Variants in CDT1 observed in about 807,000 individuals in gnomAD.
The protein encoded by CDT1 is DNA replication factor Cdt1.
A neutral mutation model predicts 49.3 loss-of-function variants in CDT1; 66 were observed. The ratio of observed to expected loss-of-function variants is 1.34; its 90% CI spans 1.10 to 1.64. CDT1 has a LOEUF of 1.64. Among genes scored for constraint, CDT1 ranks in the 40% most tolerant of loss-of-function variants. CDT1 has a pLI of 0.00. For missense variants in CDT1, 958 were observed against 807.7 expected (o/e 1.19, Z -2.26); for synonymous variants, 424 against 347.4 (o/e 1.22, Z -2.45).
Position 88,807,628 on chromosome 16 carries a change from C to T in CDT1, c.1477+146C>T, listed in dbSNP as rs1908917129. 8 of 845,420 alleles carry T rather than the reference C, an allele frequency of 9.5e-6. No homozygotes were observed. The South Asian group carries it at 1.2e-4, about 12-fold the overall frequency. The allele number at this position is 845,420 out of a possible 1,614,324, so 52.4% of individuals were successfully genotyped here. A position where few individuals can be genotyped will look rare whatever the true frequency, so the allele number is the denominator to read the frequency against. ...GCGCTGGCCTCTTGCACTGGTGTGT[C>T]CTGGGCGCTCTGCCCTCCTTGGAGC... is the stretch of plus-strand genomic sequence containing the variant. On this transcript the variant is annotated intron_variant, in intron 9 of 9. Coordinates refer to ENST00000301019, the MANE Select transcript of CDT1 (RefSeq NM_030928.4).
rs1567501791 is a variant in CDT1 at position 88,806,035 on chromosome 16, G to C, written c.847G>C (p.Ala283Pro). 1.9e-6 allele frequency: 3 copies of C among 1,592,538 alleles called. No individual in the cohort carries two copies. The South Asian group carries it at 3.4e-5, about 18-fold the overall frequency. Reference sequence around the variant, plus strand: ...TCGTCCCACAGAGGCTGACGGAGCAGCCCCCCAGCTCACGGCCTCGCGCCT... The same window carrying C: ...TCGTCCCACAGAGGCTGACGGAGCACCCCCCCAGCTCACGGCCTCGCGCCT... ...PLLEQEADGA[A>P]PQLTASRLLQ... Residue 283 changes from alanine to proline, a missense_variant, in exon 6 of 10, where the codon GCC (alanine) becomes CCC (proline). By Grantham distance (27) the Ala-to-Pro change is conservative. Transcript: ENST00000301019.
chr16:88,805,913 G>A (rs372657421), intron 5 of CDT1, 44 bp downstream of exon 5: 30 of 1,605,788 alleles, frequency 1.9e-5, no homozygotes, highest in Non-Finnish European at 2.4e-5. Context: ...TCTGTGAGCC[G>A]CACAGTTTCC....
intron 6 of CDT1, 141 bp downstream of exon 6, chr16:88,806,262 G>T (rs1490083091): frequency 3.0e-6 from 3 of 1,005,374 alleles, no homozygotes; most frequent in Non-Finnish European, 4.5e-6. Flanking sequence ...GCTGAGGGCT[G>T]GTGTGCTCAG....
At chr16:88,805,373 G>A in intron 3 of CDT1, 67 bp from the exon 4 acceptor site, 1 of 1,583,730 alleles carries the variant, frequency 6.3e-7, no homozygotes, top group African/African-American at 1.3e-5. Context: ...CCTGGCCGAG[G>A]GGCCTGCTGT....
At position 88,804,065 on chromosome 16, in the gene CDT1, G is replaced by A; in HGVS notation, c.228+6G>A. 1 of 1,430,574 alleles carries A rather than the reference G, an allele frequency of 7.0e-7. No homozygotes were observed. Among genetic ancestry groups the A allele is most frequent in the Non-Finnish European group, 9.1e-7 (1 of 1,098,066 alleles). 88.6% of individuals were successfully genotyped at this position (1,430,574 alleles called of 1,614,324 possible). On this transcript the variant is annotated splice_donor_region_variant and intron_variant, in intron 1 of 9. Transcript: ENST00000301019. ...TGCGGCTGTCGGTGGACGAGGTGAGGGGCGTGGGGAGACTGAGGCCGGGGA... is the reference window on the plus strand; with the variant it reads ...TGCGGCTGTCGGTGGACGAGGTGAGAGGCGTGGGGAGACTGAGGCCGGGGA...
chr16:88,804,623 C>G lies in CDT1; in HGVS notation c.307C>G (p.Pro103Ala). 6.2e-7 allele frequency: 1 copy of G among 1,612,796 alleles called. No individual in the cohort carries two copies. The highest frequency in any genetic ancestry group is 8.5e-7 in the Non-Finnish European group (1 of 1,179,848). Residue 103 changes from proline (P) to alanine (A), a missense_variant, in exon 2 of 10, where the codon CCG becomes GCG. Coordinates refer to ENST00000301019, the MANE Select transcript of CDT1 (RefSeq NM_030928.4). ...SPGQKIKKSTPAAGQPPHLTS... is the reference protein window; with the variant it reads ...SPGQKIKKSTAAAGQPPHLTS... Reference sequence around the variant, plus strand: ...GGGCCAGAAGATAAAGAAATCCACCCCGGCAGCAGGTCAGCCGCCCCACCT... The same window carrying G: ...GGGCCAGAAGATAAAGAAATCCACCGCGGCAGCAGGTCAGCCGCCCCACCT...
Position 88,805,293 on chromosome 16 carries a change from A to T in CDT1, c.489-147A>T, listed in dbSNP as rs1252262129. The T allele has an allele frequency of 9.8e-6, 9 of 913,966 alleles. No individual in the cohort carries two copies. The East Asian group carries it at 2.4e-4, about 24-fold the overall frequency. 56.6% of individuals were successfully genotyped at this position (913,966 alleles called of 1,614,324 possible). On this transcript the variant is annotated intron_variant, in intron 3 of 9. Transcript: ENST00000301019. Reference sequence around the variant, plus strand: ...CACCACTGCTACCCCTAACGGTGCCAGTGCTGGTGGGTGTGCAAGGGCCGC... The same window carrying T: ...CACCACTGCTACCCCTAACGGTGCCTGTGCTGGTGGGTGTGCAAGGGCCGC...
chr16:88,807,888 G>A (rs1305326397), intron 9 of CDT1, among the ~76,000 whole-genome samples: 3 of 152,216 alleles, frequency 2.0e-5, no homozygotes, highest in Admixed American at 6.5e-5. Flanking sequence ...TCCATGCTCG[G>A]TGCCTCCTCA....
chr16:88,807,500 T>C lies in CDT1; in HGVS notation c.1477+18T>C, dbSNP rs374693189. On this transcript the variant is annotated intron_variant, in intron 9 of 9. Coordinates refer to ENST00000301019, the MANE Select transcript of CDT1 (RefSeq NM_030928.4). ...GAGCCCTGGTACGTGCAGGGCGGGG[T>C]GAAGGGGCGTGCAGGGTGGAATTGC... 100 of 1,608,804 alleles carry C rather than the reference T, an allele frequency of 6.2e-5. 1 individual carries two copies. In the South Asian group the frequency reaches 7.9e-4, roughly 13 times the overall value.
intron 3 of CDT1, 131 bp from the exon 4 acceptor site, chr16:88,805,309 C>T: frequency 1.8e-6 from 2 of 1,088,948 alleles, no homozygotes; most frequent in Non-Finnish European, 2.7e-6. Context: ...GGTGGGTGTG[C>T]AAGGGCCGCG....
rs769943263 is a variant in CDT1, at chr16:88,803,814, G to A, written c.-18G>A. 5 of 1,508,746 alleles carry A rather than the reference G, an allele frequency of 3.3e-6. No individual in the cohort carries two copies. The highest frequency in any genetic ancestry group is 2.8e-5 in the East Asian group (1 of 35,990). The allele number at this position is 1,508,746 out of a possible 1,614,324, so 93.5% of individuals were successfully genotyped here. On this transcript the variant is annotated 5_prime_UTR_variant, in exon 1 of 10. Transcript: ENST00000301019. ...CTCCCTTCCTTCTTTCCTTGCTTTC[G>A]CCGCGCACTCCGCCGCCATGGAGCA...
At chr16:88,805,303 G>C (rs1438437026) in intron 3 of CDT1, 137 bp from the exon 4 acceptor site, 1 of 988,688 alleles carries the variant, frequency 1.0e-6, no homozygotes, top group East Asian at 2.6e-5. Context: ...AGTGCTGGTG[G>C]GTGTGCAAGG....
rs1450093947 is a variant in CDT1, at chr16:88,803,817, G to A, written c.-15G>A. ...CCTTCCTTCTTTCCTTGCTTTCGCCGCGCACTCCGCCGCCATGGAGCAGCG... is the reference window on the plus strand; with the variant it reads ...CCTTCCTTCTTTCCTTGCTTTCGCCACGCACTCCGCCGCCATGGAGCAGCG... On this transcript the variant is annotated 5_prime_UTR_variant, in exon 1 of 10. Transcript: ENST00000301019. 4 of 1,509,562 alleles carry A rather than the reference G, an allele frequency of 2.6e-6. No homozygotes were observed. The highest frequency in any genetic ancestry group is 2.8e-5 in the East Asian group (1 of 35,978). 93.5% of individuals were successfully genotyped at this position (1,509,562 alleles called of 1,614,324 possible).
Position 88,807,437 on chromosome 16 carries a change from G to A in CDT1, c.1432G>A (p.Ala478Thr), listed in dbSNP as rs1456300167. The stretch of plus-strand genomic sequence containing the variant: ...CAAGCCTGCGCTCAGCATGGAGGTG[G>A]CCTGTGCCAGGATGGTGGGCAGCTG... Reference protein sequence around the residue: ...ERKPALSMEVACARMVGSCCT... With the variant: ...ERKPALSMEVTCARMVGSCCT... The change falls in exon 9 of 10, where the codon GCC (alanine) becomes ACC (threonine). Residue 478 changes from alanine to threonine, a missense_variant. By Grantham distance (58) the Ala-to-Thr change is moderately conservative (BLOSUM62 0). Coordinates refer to ENST00000301019, the MANE Select transcript of CDT1 (RefSeq NM_030928.4). 5.6e-6 allele frequency: 9 copies of A among 1,613,030 alleles called. No individual in the cohort carries two copies. Among genetic ancestry groups the A allele is most frequent in the Non-Finnish European group, 7.6e-6 (9 of 1,179,990 alleles).
chr16:88,808,496 C>A lies in CDT1; in HGVS notation c.*218C>A. On this transcript the variant is annotated 3_prime_UTR_variant, in exon 10 of 10. Transcript: ENST00000301019. Reference sequence around the variant, plus strand: ...CTCACCTGGTGGATTCACATTAAACCGGTTTCTGTGGGCACCTCTGTCCTT... The same window carrying A: ...CTCACCTGGTGGATTCACATTAAACAGGTTTCTGTGGGCACCTCTGTCCTT... 1.7e-6 allele frequency: 1 copy of A among 598,078 alleles called. No homozygotes were observed. The highest frequency in any genetic ancestry group is 2.1e-5 in the South Asian group (1 of 48,114). The allele number at this position is 598,078 out of a possible 1,614,324, so 37.0% of individuals were successfully genotyped here.
chr16:88,807,827 C>T (rs1439223700), intron 9 of CDT1, among the ~76,000 whole-genome samples: 1 of 152,218 alleles, frequency 6.6e-6, no homozygotes, highest in African/African-American at 2.4e-5. Context: ...ACATAGGGGT[C>T]CTGACGCTAC....
chr16:88,807,304 G>A lies in CDT1; in HGVS notation c.1299G>A (p.Lys433=), dbSNP rs1305509887. The change falls in exon 9 of 10, where the codon AAG becomes AAA. Residue 433 remains lysine, a synonymous_variant. Coordinates refer to ENST00000301019, the MANE Select transcript of CDT1 (RefSeq NM_030928.4). The part of the protein sequence containing the change: ...LERIRAKEAQ[K]QLAQMTRCPE... ...AGATCCGAGCCAAGGAGGCACAGAA[G>A]CAGCTGGCACAGATGACGCGGTGCC... The A allele has an allele frequency of 6.8e-6, 11 of 1,612,364 alleles. No individual in the cohort carries two copies. The highest frequency in any genetic ancestry group is 9.3e-6 in the Non-Finnish European group (11 of 1,179,930).
chr16:88,804,973 C>A, intron 3 of CDT1, 75 bp downstream of exon 3: 1 of 1,513,140 alleles, frequency 6.6e-7, no homozygotes, highest in Non-Finnish European at 8.8e-7. Flanking sequence ...GCGAGCCTGT[C>A]AGAGGCCCAG....
In CDT1 at chr16:88,803,817, G is replaced by T. The variant is rs1450093947; in HGVS notation, c.-15G>T. 2 of 1,509,564 alleles carry T rather than the reference G, an allele frequency of 1.3e-6. No homozygotes were observed. Among genetic ancestry groups the T allele is most frequent in the Non-Finnish European group, 1.8e-6 (2 of 1,128,110 alleles). The allele number at this position is 1,509,564 out of a possible 1,614,324, so 93.5% of individuals were successfully genotyped here. ...CCTTCCTTCTTTCCTTGCTTTCGCC[G>T]CGCACTCCGCCGCCATGGAGCAGCG... On this transcript the variant is annotated 5_prime_UTR_variant, in exon 1 of 10. Coordinates refer to ENST00000301019, the MANE Select transcript of CDT1 (RefSeq NM_030928.4).
Sources: gnomAD v4.1 joint callset for allele counts (sites outside exome capture counted in the v4.1 genomes callset) on GRCh38, gnomAD v4.1.1 for gene constraint, MANE v1.5 for transcripts, NCBI Gene and HGNC (gene_info 2026-07-23, HGNC 2026-07-21) for gene names.